Variants in INTS8 observed in about 807,000 individuals in gnomAD.
The protein encoded by INTS8 is integrator complex subunit 8.
Under a neutral mutation model 138.9 loss-of-function variants are expected in INTS8, and 47 were observed. That is an observed-to-expected ratio of 0.34 (90% confidence interval 0.27 to 0.43). INTS8 has a LOEUF of 0.43. Among genes scored for constraint, INTS8 ranks in the 20% least tolerant of loss-of-function variants. INTS8 has a pLI of 1.00. For synonymous variants in INTS8, 392 were observed against 400.9 expected (o/e 0.98, Z 0.27); for missense variants, 996 against 1,173.0 (o/e 0.85, Z 2.20).
intron 22 of INTS8, 57 bp downstream of exon 22, chr8:94,873,534 G>T (rs1015551512): frequency 2.6e-6 from 3 of 1,148,452 alleles, no homozygotes; most frequent in East Asian, 4.7e-5. Context: ...GTTCTTCCTG[G>T]GTCCCCTTTT....
rs554102315 is a variant in INTS8, at chr8:94,825,088, A to T, written c.305+21A>T. The T allele has an allele frequency of 2.0e-6, 3 of 1,527,514 alleles. No homozygotes were observed. The East Asian group carries it at 6.8e-5, about 35-fold the overall frequency. The allele number at this position is 1,527,514 out of a possible 1,614,324, so 94.6% of individuals were successfully genotyped here. A position where few individuals can be genotyped will look rare whatever the true frequency, so the allele number is the denominator to read the frequency against. On this transcript the variant is annotated intron_variant, in intron 2 of 26. Coordinates refer to ENST00000523731, the MANE Select transcript of INTS8 (RefSeq NM_017864.4). ...AAAAGGTATCCAAGATTTCAGTGAA[A>T]TTTCATTTGAAGTGCTATTTAGATA...
Position 94,825,427 on chromosome 8 carries a change from GAA to G in INTS8, c.305+373_305+374del, listed in dbSNP as rs59690454. ...AGCCTGGGCGATAGAGTAAGACTCG[GAA>G]AAAAAAAAAAAATAATAAAATAAAT... On this transcript the variant is annotated intron_variant, in intron 2 of 26. Transcript: ENST00000523731. Among the ~76,000 whole-genome samples, 556 of 143,420 alleles carry G rather than the reference GAA, an allele frequency of 3.9e-3. 6 individuals are homozygous for G. Among genetic ancestry groups the G allele is most frequent in the African/African-American group, 0.013 (507 of 38,718 alleles). The allele number at this position is 143,420 out of a possible 152,430, so 94.1% of individuals were successfully genotyped here. A position where few individuals can be genotyped will look rare whatever the true frequency, so the allele number is the denominator to read the frequency against.
chr8:94,861,056 CAAAAAAAAAA>C (rs1195647511), intron 16 of INTS8, among the ~76,000 whole-genome samples: 2,064 of 99,738 alleles, frequency 0.021, 28 homozygotes, highest in Middle Eastern at 0.077. Context: ...GACTCTGTCT[CAAAAAAAAAA>C]AAAAAAAAAT....
At chr8:94,857,151 C>A (rs541972010) in intron 15 of INTS8, among the ~76,000 whole-genome samples, 173 bp downstream of exon 15, 1 of 149,668 alleles carries the variant, frequency 6.7e-6, no homozygotes, top group East Asian at 2.0e-4. Flanking sequence ...CGGCCCACTG[C>A]AGTCTCTGCC....
intron 4 of INTS8, 24 bp downstream of exon 4, chr8:94,827,817 A>C: frequency 2.5e-6 from 4 of 1,571,110 alleles, no homozygotes; most frequent in Non-Finnish European, 3.5e-6. Flanking sequence ...TATGACCTTT[A>C]CTTGGCACTT....
intron 10 of INTS8, among the ~76,000 whole-genome samples, chr8:94,846,202 T>G (rs1036318910): frequency 6.6e-6 from 1 of 152,226 alleles, no homozygotes; most frequent in African/African-American, 2.4e-5. Flanking sequence ...TTTTTTTCCA[T>G]TTTTCTATGT....
In INTS8 at chr8:94,850,101, C is replaced by G; in HGVS notation, c.1507+10C>G. 1 of 1,562,408 alleles carries G rather than the reference C, an allele frequency of 6.4e-7. No individual in the cohort carries two copies. The stretch of plus-strand genomic sequence containing the variant: ...TTTTATGATATCCCAGGTTAGCTCT[C>G]TAGTCGGCCAGCCAAAATGTTGGCA... On this transcript the variant is annotated intron_variant, in intron 12 of 26. Coordinates refer to ENST00000523731, the MANE Select transcript of INTS8 (RefSeq NM_017864.4).
chr8:94,872,013 T>A lies in INTS8; in HGVS notation c.2533+11T>A. 1 of 1,269,224 alleles carries A rather than the reference T, an allele frequency of 7.9e-7. No individual in the cohort carries two copies. The highest frequency in any genetic ancestry group is 1.1e-6 in the Non-Finnish European group (1 of 875,120). The allele number at this position is 1,269,224 out of a possible 1,614,324, so 78.6% of individuals were successfully genotyped here. On this transcript the variant is annotated intron_variant, in intron 21 of 26. Transcript: ENST00000523731. ...CAGATATTTACTTTGGTAAGTGAGA[T>A]GTTTAGTTGCTTTGTGTTTTGTTTT... is the stretch of plus-strand genomic sequence containing the variant.
intron 3 of INTS8, 65 bp downstream of exon 3, chr8:94,827,468 A>G: frequency 1.3e-6 from 2 of 1,552,944 alleles, no homozygotes; most frequent in Non-Finnish European, 1.8e-6. Context: ...GTGGCTTTCA[A>G]GGATATTCTT....
At chr8:94,860,113 AT>A (rs1815899461) in intron 16 of INTS8, 1 of 153,758 alleles carries the variant, frequency 6.5e-6, no homozygotes, top group Non-Finnish European at 1.4e-5. Flanking sequence ...GCACTAAGTT[AT>A]TTTGTTGTCT....
intron 12 of INTS8, among the ~76,000 whole-genome samples, chr8:94,851,268 A>C (rs560154766): frequency 1.3e-5 from 2 of 152,320 alleles, no homozygotes; most frequent in South Asian, 2.1e-4. Flanking sequence ...CATATATTCC[A>C]CATAGTTCTT....
At chr8:94,836,405 A>G (rs905648388) in intron 6 of INTS8, 119 bp from the exon 7 acceptor site, 25 of 710,950 alleles carry the variant, frequency 3.5e-5, no homozygotes, top group Non-Finnish European at 5.9e-5. Flanking sequence ...TCTCCTTGGA[A>G]TATGTGTTTT....
At chr8:94,847,987 T>G (rs1815391799) in intron 10 of INTS8, among the ~76,000 whole-genome samples, 1 of 148,646 alleles carries the variant, frequency 6.7e-6, no homozygotes, top group Non-Finnish European at 1.5e-5. Context: ...AAAATGGTAT[T>G]TGAACATAGC....
chr8:94,823,315 A>G lies in INTS8; in HGVS notation c.-117A>G, dbSNP rs990122939. ...ATTTTGGATTGTGTGAGTTTCCGGG[A>G]CGTTCGGAGGGTGGCCTCTCTCCCA... On this transcript the variant is annotated 5_prime_UTR_variant, in exon 1 of 27. Coordinates refer to ENST00000523731, the MANE Select transcript of INTS8 (RefSeq NM_017864.4). The G allele has an allele frequency of 7.4e-5, 113 of 1,521,000 alleles. No individual in the cohort carries two copies. Among genetic ancestry groups the G allele is most frequent in the Middle Eastern group, 3.4e-4 (2 of 5,910 alleles). The allele number at this position is 1,521,000 out of a possible 1,614,324, so 94.2% of individuals were successfully genotyped here.
At chr8:94,855,078 T>C (rs1349350223) in intron 14 of INTS8, among the ~76,000 whole-genome samples, 1 of 152,080 alleles carries the variant, frequency 6.6e-6, no homozygotes, top group Non-Finnish European at 1.5e-5. Context: ...TTTGGGGCCC[T>C]GTCCTAGACC....
intron 20 of INTS8, among the ~76,000 whole-genome samples, chr8:94,869,173 G>A (rs531086393): frequency 6.6e-6 from 1 of 151,850 alleles, no homozygotes; most frequent in East Asian, 1.9e-4. Context: ...GTAGAGACAG[G>A]TTTCTTCATG....
At chr8:94,866,288 T>C (rs572600444) in intron 18 of INTS8, 97 bp downstream of exon 18, 2 of 737,232 alleles carry the variant, frequency 2.7e-6, no homozygotes, top group East Asian at 5.3e-5. Flanking sequence ...TAAATTATTA[T>C]TTGTTTTTTA....
chr8:94,823,502 G>C lies in INTS8; in HGVS notation c.71G>C (p.Trp24Ser). Residue 24 changes from tryptophan (W) to serine (S), a missense_variant, in exon 1 of 27, where the codon TGG becomes TCG. Transcript: ENST00000523731. ...CCCTGCACCCCGCCGCAGACCTGCT[G>C]GTTTGAGTTTCTGCTGGAGGAGTCA... Reference protein sequence around the residue: ...SRPCTPPQTCWFEFLLEESLL... With the variant: ...SRPCTPPQTCSFEFLLEESLL... 1 of 1,564,160 alleles carries C rather than the reference G, an allele frequency of 6.4e-7. No homozygotes were observed. Among genetic ancestry groups the C allele is most frequent in the Non-Finnish European group, 8.7e-7 (1 of 1,154,788 alleles).
Position 94,864,478 on chromosome 8 carries a change from C to T in INTS8, c.2077-1028C>T, listed in dbSNP as rs752395609. Among the ~76,000 whole-genome samples, 4 of 152,060 alleles carry T rather than the reference C, an allele frequency of 2.6e-5. 1 individual carries two copies. Among genetic ancestry groups the T allele is most frequent in the Non-Finnish European group, 5.9e-5 (4 of 67,998 alleles). On this transcript the variant is annotated intron_variant, in intron 16 of 26. Transcript: ENST00000523731. Reference sequence around the variant, plus strand: ...ATCTCAGCACTTTGGGAGGCCGAGGCGGATAGATCACTTGAGGCCAGGAGT... The same window carrying T: ...ATCTCAGCACTTTGGGAGGCCGAGGTGGATAGATCACTTGAGGCCAGGAGT...
Sources: gnomAD v4.1 joint callset for allele counts (sites outside exome capture counted in the v4.1 genomes callset) on GRCh38, gnomAD v4.1.1 for gene constraint, MANE v1.5 for transcripts, NCBI Gene and HGNC (gene_info 2026-07-23, HGNC 2026-07-21) for gene names.